CMC1: variants seen among roughly 807,000 people sequenced by gnomAD.
The protein encoded by CMC1 is C-X9-C motif containing 1, also known as COX assembly mitochondrial protein homolog.
In CMC1, 14 loss-of-function variants were observed where a neutral mutation model predicts 14.1. That is an observed-to-expected ratio of 0.99 (90% confidence interval 0.66 to 1.55). CMC1 has a LOEUF of 1.55. Among genes scored for constraint, CMC1 ranks in the 40% most tolerant of loss-of-function variants. The probability of loss-of-function intolerance (pLI) is 0.00; values close to 1 mark genes in which losing one functional copy is unlikely to be tolerated. For missense variants in CMC1, 127 were observed against 123.8 expected (o/e 1.03, Z -0.12); for synonymous variants, 50 against 38.4 (o/e 1.30, Z -1.12).
In CMC1 at chr3:28,322,861, ACTGT is replaced by A. The variant is rs1029086392; in HGVS notation, c.*3235_*3238del. ...AGATATTGAGTTCAAGATATATGAA[ACTGT>A]CTATCAAAAAGGATAAAAGTCCTCC... On this transcript the variant is annotated 3_prime_UTR_variant, in exon 4 of 4. Coordinates refer to ENST00000466830, the MANE Select transcript of CMC1 (RefSeq NM_182523.2). 2.6e-5 allele frequency: 4 copies of A among 151,368 alleles called. No individual in the cohort carries two copies. The highest frequency in any genetic ancestry group is 2.1e-4 in the South Asian group (1 of 4,828). The allele number at this position is 151,368 out of a possible 1,614,324, so 9.4% of individuals were successfully genotyped here. A position where few individuals can be genotyped will look rare whatever the true frequency, so the allele number is the denominator to read the frequency against.
intron 2 of CMC1, among the ~76,000 whole-genome samples, chr3:28,268,324 G>T (rs1700108142): frequency 6.6e-6 from 1 of 152,122 alleles, no homozygotes; most frequent in Non-Finnish European, 1.5e-5. Flanking sequence ...AAGAAACCGT[G>T]GCACAAGCTC....
intron 2 of CMC1, among the ~76,000 whole-genome samples, chr3:28,278,821 A>T (rs576108662): frequency 6.6e-6 from 1 of 152,322 alleles, no homozygotes; most frequent in African/African-American, 2.4e-5. Flanking sequence ...GTTTTCCATA[A>T]TAATGTACCT....
chr3:28,264,539 TG>T (rs1433867032), intron 2 of CMC1, among the ~76,000 whole-genome samples: 2 of 152,204 alleles, frequency 1.3e-5, no homozygotes, highest in Admixed American at 1.3e-4. Context: ...TTGATTCTTG[TG>T]AGTTAGTTTA....
chr3:28,295,989 A>G (rs1408664425), intron 2 of CMC1, among the ~76,000 whole-genome samples: 1 of 152,146 alleles, frequency 6.6e-6, no homozygotes, highest in Non-Finnish European at 1.5e-5. Flanking sequence ...ATATAGAATA[A>G]GAATTTTCAT....
Position 28,274,212 on chromosome 3 carries a change from G to GTTTTTTTTGTTTT in CMC1, c.109+10839_109+10840insTGTTTTTTTTTTT, listed in dbSNP as rs376321066. Among the ~76,000 whole-genome samples, 11 of 88,164 alleles carry GTTTTTTTTGTTTT rather than the reference G, an allele frequency of 1.2e-4. 1 individual carries two copies. The highest frequency in any genetic ancestry group is 4.4e-4 in the African/African-American group (9 of 20,678). 57.8% of individuals were successfully genotyped at this position (88,164 alleles called of 152,430 possible). A position where few individuals can be genotyped will look rare whatever the true frequency, so the allele number is the denominator to read the frequency against. ...TTGGTCTTTGTACTAAAGTGTTTTT[G>GTTTTTTTTGTTTT]TTTTTTTCTTTTTTTTTTTTTTTGC... On this transcript the variant is annotated intron_variant, in intron 2 of 3. Coordinates refer to ENST00000466830, the MANE Select transcript of CMC1 (RefSeq NM_182523.2).
chr3:28,316,439 A>G lies in CMC1; in HGVS notation c.200+16A>G. On this transcript the variant is annotated intron_variant, in intron 3 of 3. Transcript: ENST00000466830. The stretch of plus-strand genomic sequence containing the variant: ...TAACTGCTTAGTAAGTAGTTGTCTC[A>G]GCGTTTGTGCTTGTATGTGTATTTG... The G allele has an allele frequency of 6.8e-7, 1 of 1,477,192 alleles. No individual in the cohort carries two copies. The highest frequency in any genetic ancestry group is 9.3e-7 in the Non-Finnish European group (1 of 1,076,020). The allele number at this position is 1,477,192 out of a possible 1,614,324, so 91.5% of individuals were successfully genotyped here.
chr3:28,305,301 C>A (rs1425074993), intron 2 of CMC1, among the ~76,000 whole-genome samples: 1 of 152,028 alleles, frequency 6.6e-6, no homozygotes, highest in Admixed American at 6.6e-5. Context: ...TATATATGTA[C>A]CACATTTTCT....
chr3:28,261,420 T>A (rs1699730138), intron 1 of CMC1, among the ~76,000 whole-genome samples: 1 of 152,164 alleles, frequency 6.6e-6, no homozygotes. Flanking sequence ...TGGTAGATGT[T>A]CTGGTTTACA....
intron 2 of CMC1, among the ~76,000 whole-genome samples, chr3:28,287,649 C>T (rs1321361932): frequency 6.6e-6 from 1 of 151,824 alleles, no homozygotes; most frequent in Non-Finnish European, 1.5e-5. Context: ...CTCTTTTATT[C>T]CCTTCGAAAG....
intron 2 of CMC1, among the ~76,000 whole-genome samples, chr3:28,286,086 T>A (rs1289910154): frequency 6.6e-6 from 1 of 152,116 alleles, no homozygotes; most frequent in East Asian, 1.9e-4. Flanking sequence ...TATGCTACCT[T>A]TTTTGGTACA....
chr3:28,277,368 C>T (rs1419595353), intron 2 of CMC1, among the ~76,000 whole-genome samples: 4 of 152,072 alleles, frequency 2.6e-5, no homozygotes, highest in African/African-American at 9.7e-5. Context: ...TTTCTGATTC[C>T]TTTGAGCACT....
chr3:28,311,013 G>T (rs915812267), intron 2 of CMC1, among the ~76,000 whole-genome samples: 1 of 152,208 alleles, frequency 6.6e-6, no homozygotes, highest in Non-Finnish European at 1.5e-5. Context: ...CTGCTGTCCC[G>T]CCCGGTTCCT....
intron 1 of CMC1, among the ~76,000 whole-genome samples, chr3:28,260,637 T>G (rs951384824): frequency 2.2e-4 from 34 of 152,008 alleles, no homozygotes; most frequent in South Asian, 2.1e-4. Context: ...TTTTGCTTGC[T>G]TTGTGTTTAT....
chr3:28,320,670 C>T lies in CMC1; in HGVS notation c.*1041C>T, dbSNP rs544162652. 1.7e-3 allele frequency: 262 copies of T among 151,522 alleles called. No individual in the cohort carries two copies. The highest frequency in any genetic ancestry group is 6.1e-3 in the African/African-American group (253 of 41,418). The allele number at this position is 151,522 out of a possible 1,614,324, so 9.4% of individuals were successfully genotyped here. On this transcript the variant is annotated 3_prime_UTR_variant, in exon 4 of 4. Coordinates refer to ENST00000466830, the MANE Select transcript of CMC1 (RefSeq NM_182523.2). ...GTAGAATTTTCTAAAACATAATGTT[C>T]TTAACCTGATAACTTGTTAGTCCTT...
At position 28,321,211 on chromosome 3, in the gene CMC1, C is replaced by G. The variant is rs1703176858; in HGVS notation, c.*1582C>G. The stretch of plus-strand genomic sequence containing the variant: ...ACCACACAGCATAGGGGCAAACATG[C>G]CCATATTTCCACATTGACCTTTGGT... On this transcript the variant is annotated 3_prime_UTR_variant, in exon 4 of 4. Coordinates refer to ENST00000466830, the MANE Select transcript of CMC1 (RefSeq NM_182523.2). 2.0e-5 allele frequency: 3 copies of G among 151,344 alleles called. No homozygotes were observed. Among genetic ancestry groups the G allele is most frequent in the African/African-American group, 7.3e-5 (3 of 41,320 alleles). The allele number at this position is 151,344 out of a possible 1,614,324, so 9.4% of individuals were successfully genotyped here.
At chr3:28,252,948 T>C (rs1348862711) in intron 1 of CMC1, among the ~76,000 whole-genome samples, 1 of 152,200 alleles carries the variant, frequency 6.6e-6, no homozygotes, top group Non-Finnish European at 1.5e-5. Context: ...AGAAAACATC[T>C]CTCCTACTCT....
chr3:28,292,348 T>C (rs1410257398), intron 2 of CMC1, among the ~76,000 whole-genome samples: 1 of 152,154 alleles, frequency 6.6e-6, no homozygotes, highest in Non-Finnish European at 1.5e-5. Context: ...TCAATATCTT[T>C]TCAATTATTT....
chr3:28,266,107 T>TA (rs1699990819), intron 2 of CMC1, among the ~76,000 whole-genome samples: 1 of 152,174 alleles, frequency 6.6e-6, no homozygotes, highest in Non-Finnish European at 1.5e-5. Flanking sequence ...TTTAATTTTT[T>TA]AACCAGCTTA....
At chr3:28,281,223 ATTGAGT>A (rs551339561) in intron 2 of CMC1, among the ~76,000 whole-genome samples, 69 of 152,312 alleles carry the variant, frequency 4.5e-4, no homozygotes, top group African/African-American at 1.6e-3. Context: ...CTGCATTCTT[ATTGAGT>A]TTAAGTATGG....
Sources: allele counts gnomAD v4.1 joint callset (sites outside exome capture counted in the v4.1 genomes callset), GRCh38; gene constraint gnomAD v4.1.1; transcripts MANE v1.5; gene names NCBI Gene and HGNC (gene_info 2026-07-23, HGNC 2026-07-21).